CNTN6: variants seen among roughly 807,000 people sequenced by gnomAD.
CNTN6 encodes contactin-6.
A neutral mutation model predicts 122.8 loss-of-function variants in CNTN6; 137 were observed. The ratio of observed to expected loss-of-function variants is 1.12; its 90% CI spans 0.97 to 1.29. The LOEUF is 1.29. Among genes scored for constraint, CNTN6 ranks in the 50% most tolerant of loss-of-function variants. The pLI, the probability that CNTN6 is intolerant of heterozygous loss-of-function variation, is 0.00. For synonymous variants in CNTN6, 570 were observed against 426.0 expected (o/e 1.34, Z -4.16); for missense variants, 1,634 against 1,223.4 (o/e 1.34, Z -5.01).
intron 11 of CNTN6, among the ~76,000 whole-genome samples, chr3:1,335,838 G>C (rs6789678): frequency 0.043 from 6,521 of 152,156 alleles, 198 homozygotes; most frequent in African/African-American, 0.068. Flanking sequence ...AGACCAGCCT[G>C]GGCAACATAG....
chr3:1,290,461 A>G (rs1395181671), intron 5 of CNTN6, among the ~76,000 whole-genome samples: 1 of 152,210 alleles, frequency 6.6e-6, no homozygotes, highest in Admixed American at 6.5e-5. Flanking sequence ...AGGAGAGGAC[A>G]TGAACATAGA....
chr3:1,382,674 T>A (rs1213807732), intron 17 of CNTN6, among the ~76,000 whole-genome samples: 3 of 152,332 alleles, frequency 2.0e-5, no homozygotes, highest in East Asian at 3.9e-4. Context: ...ATTATTATAA[T>A]TTATGAATGA....
chr3:1,301,024 C>CT (rs562912841), intron 7 of CNTN6, among the ~76,000 whole-genome samples: 1,527 of 93,218 alleles, frequency 0.016, 186 homozygotes, highest in African/African-American at 0.043. Flanking sequence ...AGTCCCTAAA[C>CT]TTTTTTTTTT....
At chr3:1,107,108 A>G (rs2091261862) in intron 1 of CNTN6, among the ~76,000 whole-genome samples, 3 of 152,218 alleles carry the variant, frequency 2.0e-5, no homozygotes, top group South Asian at 2.1e-4. Context: ...TGCTAGTTTT[A>G]TCTGGAAACA....
intron 5 of CNTN6, among the ~76,000 whole-genome samples, chr3:1,281,298 G>A (rs761316934): frequency 7.2e-5 from 11 of 151,968 alleles, no homozygotes; most frequent in Admixed American, 2.0e-4. Context: ...ACAGAGAAAC[G>A]TCCTAGAAAT....
chr3:1,365,763 T>C (rs1708133445), intron 12 of CNTN6, among the ~76,000 whole-genome samples: 2 of 152,080 alleles, frequency 1.3e-5, no homozygotes, highest in South Asian at 4.1e-4. Context: ...TCAGAGCTTT[T>C]AATATGTTAA....
At chr3:1,240,647 C>A (rs556017418) in intron 4 of CNTN6, among the ~76,000 whole-genome samples, 43 of 150,758 alleles carry the variant, frequency 2.9e-4, no homozygotes, top group Non-Finnish European at 3.5e-4. Flanking sequence ...GTAGATCTAC[C>A]GTTTGATCCA....
At chr3:1,243,184 G>C (rs1436985871) in intron 4 of CNTN6, among the ~76,000 whole-genome samples, 1 of 152,148 alleles carries the variant, frequency 6.6e-6, no homozygotes, top group Non-Finnish European at 1.5e-5. Flanking sequence ...ATTTTCAGTG[G>C]GTTCCTGCAC....
In CNTN6 at chr3:1,254,389, T is replaced by C. The variant is rs147462376; in HGVS notation, c.359-24024T>C. Reference sequence around the variant, plus strand: ...TCTACGTGTTTACTTATTTTAAATGTTGTGTAGTATTTCATTGGATTAATG... The same window carrying C: ...TCTACGTGTTTACTTATTTTAAATGCTGTGTAGTATTTCATTGGATTAATG... On this transcript the variant is annotated intron_variant, in intron 4 of 22. Transcript: ENST00000446702. Among the ~76,000 whole-genome samples, 258 of 152,358 alleles carry C rather than the reference T, an allele frequency of 1.7e-3. 1 individual carries two copies. The highest frequency in any genetic ancestry group is 6.8e-3 in the Middle Eastern group (2 of 294).
At chr3:1,342,460 G>A (rs1361316301) in intron 11 of CNTN6, among the ~76,000 whole-genome samples, 1 of 152,068 alleles carries the variant, frequency 6.6e-6, no homozygotes, top group Non-Finnish European at 1.5e-5. Flanking sequence ...TTGCTTTCCA[G>A]CAAAACATAG....
At chr3:1,143,674 C>A (rs1007659925) in intron 1 of CNTN6, among the ~76,000 whole-genome samples, 1 of 152,160 alleles carries the variant, frequency 6.6e-6, no homozygotes, top group Non-Finnish European at 1.5e-5. Context: ...TAAACTTTCA[C>A]AAATGAAACT....
chr3:1,264,169 C>G (rs1195533346), intron 4 of CNTN6, among the ~76,000 whole-genome samples: 1 of 152,058 alleles, frequency 6.6e-6, no homozygotes, highest in East Asian at 1.9e-4. Flanking sequence ...TCTGGGTTGA[C>G]TGATCATTAA....
chr3:1,124,409 C>A (rs1380934459), intron 1 of CNTN6, among the ~76,000 whole-genome samples: 1 of 151,940 alleles, frequency 6.6e-6, no homozygotes. Flanking sequence ...TCCAACCACA[C>A]TGAACCTCAC....
At chr3:1,137,042 T>C (rs1185695783) in intron 1 of CNTN6, among the ~76,000 whole-genome samples, 1 of 152,220 alleles carries the variant, frequency 6.6e-6, no homozygotes, top group Non-Finnish European at 1.5e-5. Context: ...CTTTTCAGCC[T>C]ACCTCCTGGC....
chr3:1,300,557 A>AAAAGAAAG (rs202226482), intron 7 of CNTN6, among the ~76,000 whole-genome samples: 1,457 of 107,230 alleles, frequency 0.014, 10 homozygotes, highest in Middle Eastern at 0.026. Flanking sequence ...AAGAGAAAGA[A>AAAAGAAAG]AAAGAAAGAA....
chr3:1,134,686 T>TTTTTG (rs372317721), intron 1 of CNTN6, among the ~76,000 whole-genome samples: 37 of 152,140 alleles, frequency 2.4e-4, no homozygotes, highest in African/African-American at 4.8e-4. Context: ...TTTTTTTTGT[T>TTTTTG]TTTTGTTTTG....
chr3:1,155,381 AC>A (rs1381352049), intron 2 of CNTN6, among the ~76,000 whole-genome samples: 1 of 152,228 alleles, frequency 6.6e-6, no homozygotes, highest in Non-Finnish European at 1.5e-5. Flanking sequence ...TTAGGGATAA[AC>A]CAATATTCCC....
chr3:1,130,303 G>A (rs919632902), intron 1 of CNTN6, among the ~76,000 whole-genome samples: 8 of 151,930 alleles, frequency 5.3e-5, no homozygotes, highest in Admixed American at 3.9e-4. Flanking sequence ...TCACCCCTAG[G>A]ATTTGCCACT....
At chr3:1,224,819 C>G (rs1575311725) in intron 3 of CNTN6, among the ~76,000 whole-genome samples, 1 of 152,154 alleles carries the variant, frequency 6.6e-6, no homozygotes, top group Non-Finnish European at 1.5e-5. Context: ...AATTTTGACT[C>G]ACTGCAACCT....
Sources: allele counts gnomAD v4.1 joint callset (sites outside exome capture counted in the v4.1 genomes callset), GRCh38; gene constraint gnomAD v4.1.1; transcripts MANE v1.5; gene names NCBI Gene and HGNC (gene_info 2026-07-23, HGNC 2026-07-21).